Variants in RBFOX3 observed in about 807,000 individuals in gnomAD.
RBFOX3 encodes the protein RNA binding protein fox-1 homolog 3.
Under a neutral mutation model 48.7 loss-of-function variants are expected in RBFOX3, and 17 were observed. The observed-to-expected ratio is 0.35, with a 90% CI of 0.24 to 0.52. The LOEUF (loss-of-function observed/expected upper bound fraction) is 0.52, where lower values mean the gene tolerates loss of function less well. Among genes scored for constraint, RBFOX3 ranks in the 20% least tolerant of loss-of-function variants. The probability of loss-of-function intolerance (pLI) is 0.94; values close to 1 mark genes in which losing one functional copy is unlikely to be tolerated. For synonymous variants in RBFOX3, 212 were observed against 209.5 expected, an observed-to-expected ratio of 1.01 and a Z score of -0.10; for missense variants, 382 against 497.5, an observed-to-expected ratio of 0.77 and a Z score of 2.21.
intron 1 of RBFOX3, among the ~76,000 whole-genome samples, chr17:79,537,644 G>A (rs797038341): frequency 2.1e-4 from 32 of 152,230 alleles, no homozygotes; most frequent in African/African-American, 6.0e-4. Context: ...GAACAAAAAC[G>A]GACAAATCTA....
chr17:79,196,894 G>A (rs891595351), intron 4 of RBFOX3, among the ~76,000 whole-genome samples: 2 of 152,104 alleles, frequency 1.3e-5, no homozygotes, highest in East Asian at 1.9e-4. Context: ...AACTCACATC[G>A]GTGTGGTGAG....
chr17:79,531,947 C>A (rs1298282711), intron 1 of RBFOX3, among the ~76,000 whole-genome samples: 3 of 152,218 alleles, frequency 2.0e-5, no homozygotes, highest in African/African-American at 4.8e-5. Context: ...CTGCAGCAAA[C>A]CCTGCAAGAG....
At chr17:79,304,544 C>T (rs982798158) in intron 3 of RBFOX3, among the ~76,000 whole-genome samples, 2 of 151,758 alleles carry the variant, frequency 1.3e-5, no homozygotes, top group Admixed American at 6.6e-5. Context: ...ACATCACACA[C>T]GCACTGAGGT....
intron 1 of RBFOX3, among the ~76,000 whole-genome samples, chr17:79,563,094 G>A (rs1178921767): frequency 1.3e-5 from 2 of 152,192 alleles, no homozygotes; most frequent in African/African-American, 4.8e-5. Flanking sequence ...GGTTTGTCCT[G>A]AAGTTCCCTT....
At chr17:79,527,280 TTTTC>T (rs2086922261) in intron 1 of RBFOX3, among the ~76,000 whole-genome samples, 1 of 152,266 alleles carries the variant, frequency 6.6e-6, no homozygotes, top group South Asian at 2.1e-4. Flanking sequence ...AAGCCCTTCC[TTTTC>T]TTTCTTTTCT....
rs2059559531 is a variant in RBFOX3, at chr17:79,220,227, C to G, written c.-34+15539G>C. Among the ~76,000 whole-genome samples the G allele has an allele frequency of 6.6e-6, 1 of 152,096 alleles. No individual in the cohort carries two copies. Among genetic ancestry groups the G allele is most frequent in the South Asian group, 2.1e-4 (1 of 4,832 alleles). On this transcript the variant is annotated intron_variant, in intron 4 of 14. Coordinates refer to ENST00000693108, the MANE Select transcript of RBFOX3 (RefSeq NM_001350451.2). This position sits in a 1 kb window ranked among gnomAD's most constrained non-coding sequence, Gnocchi z 5.9. Reference sequence around the variant, plus strand: ...GGAACCGCGGCTCCACAGCAGGCTCCCGGGGAGGAGGGGAGGAGACCCAAT... The same window carrying G: ...GGAACCGCGGCTCCACAGCAGGCTCGCGGGGAGGAGGGGAGGAGACCCAAT...
In RBFOX3 at chr17:79,488,324, G is replaced by T. The variant is rs993398360; in HGVS notation, c.-319-5726C>A. ...CATCACAGAGAGGCAGAAGTGGCCG[G>T]TGAGTTGAGGCGGAGCCCCCCATTT... On this transcript the variant is annotated intron_variant, in intron 1 of 14. Transcript: ENST00000693108. Among the ~76,000 whole-genome samples the T allele has an allele frequency of 4.1e-5, 6 of 147,980 alleles. No individual in the cohort carries two copies. In the Admixed American group the frequency reaches 4.1e-4, roughly 10 times the overall value.
chr17:79,344,898 A>G (rs1281553571), intron 2 of RBFOX3, among the ~76,000 whole-genome samples: 2 of 152,088 alleles, frequency 1.3e-5, no homozygotes, highest in African/African-American at 4.8e-5. Flanking sequence ...CTCTGTCCAC[A>G]CCACTTCATC....
intron 3 of RBFOX3, among the ~76,000 whole-genome samples, chr17:79,302,800 C>G (rs1195775707): frequency 6.6e-6 from 1 of 152,146 alleles, no homozygotes; most frequent in African/African-American, 2.4e-5. Context: ...CCTTTTAAAA[C>G]AAAATAATAT....
chr17:79,187,959 T>C (rs957678250), intron 4 of RBFOX3, among the ~76,000 whole-genome samples: 10 of 152,072 alleles, frequency 6.6e-5, no homozygotes, highest in Admixed American at 5.2e-4. Flanking sequence ...ATGTAGAAAT[T>C]CTCACATTCC....
At chr17:79,413,775 GGCCATCCTTCTGCGGCCTGGCCAGCA>G (rs2064866738) in intron 2 of RBFOX3, among the ~76,000 whole-genome samples, 1 of 152,218 alleles carries the variant, frequency 6.6e-6, no homozygotes, top group African/African-American at 2.4e-5. Context: ...ACCCAGCCCG[GGCCATCCTTCTGCGGCCTGGCCAGCA>G]GCCATGTGCA....
rs969966698 is a variant in RBFOX3, at chr17:79,204,922, G to A, written c.-34+30844C>T. 2.6e-5 allele frequency among the ~76,000 whole-genome samples: 4 copies of A among 152,162 alleles called. No homozygotes were observed. Among genetic ancestry groups the A allele is most frequent in the African/African-American group, 9.7e-5 (4 of 41,428 alleles). On this transcript the variant is annotated intron_variant, in intron 4 of 14. Transcript: ENST00000693108. This position sits in a 1 kb window ranked among gnomAD's most constrained non-coding sequence, Gnocchi z 4.5. ...GCAGCTAATAAGCCATGGTGTTCCT[G>A]GGGATGAAATGGATGGGTGGCCAAG... is the stretch of plus-strand genomic sequence containing the variant.
chr17:79,513,437 T>C lies in RBFOX3; in HGVS notation c.-319-30839A>G, dbSNP rs901713605. Among the ~76,000 whole-genome samples, 62 of 152,158 alleles carry C rather than the reference T, an allele frequency of 4.1e-4. 1 individual carries two copies. The East Asian group carries it at 4.7e-3, about 11-fold the overall frequency. ...GGTACACATCTGAATACATTCACCA[T>C]TGGGCATGGCTGTGCCATGGCCAGG... is the stretch of plus-strand genomic sequence containing the variant. On this transcript the variant is annotated intron_variant, in intron 1 of 14. Coordinates refer to ENST00000693108, the MANE Select transcript of RBFOX3 (RefSeq NM_001350451.2).
chr17:79,578,164 C>T (rs1195174393), intron 1 of RBFOX3, among the ~76,000 whole-genome samples: 3 of 152,232 alleles, frequency 2.0e-5, no homozygotes, highest in Non-Finnish European at 4.4e-5. Context: ...GCAAAGGCCA[C>T]CTGGAGCGCT....
chr17:79,112,506 G>A (rs1599481060), intron 5 of RBFOX3, among the ~76,000 whole-genome samples: 1 of 152,166 alleles, frequency 6.6e-6, no homozygotes. Context: ...CTGTCTTTGA[G>A]GATCCTGGGG....
At chr17:79,536,560 T>TC (rs112923467) in intron 1 of RBFOX3, among the ~76,000 whole-genome samples, 21 of 152,368 alleles carry the variant, frequency 1.4e-4, no homozygotes, top group African/African-American at 4.1e-4. Context: ...TCAACGGTGA[T>TC]CCATTGCCCT....
chr17:79,218,539 G>C (rs540478289), intron 4 of RBFOX3, among the ~76,000 whole-genome samples: 8 of 152,302 alleles, frequency 5.3e-5, no homozygotes, highest in Admixed American at 1.3e-4. Flanking sequence ...GGGGAGAGGG[G>C]GAGTTCTGGG....
chr17:79,638,296 CTG>C, the RBFOX3 span, among the ~76,000 whole-genome samples: 1 of 125,594 alleles, frequency 8.0e-6, no homozygotes, highest in South Asian at 2.6e-4. Context: ...ATTAACAAAA[CTG>C]AGTTGGTTTT....
At chr17:79,210,064 A>C (rs1227174333) in intron 4 of RBFOX3, among the ~76,000 whole-genome samples, 1 of 151,970 alleles carries the variant, frequency 6.6e-6, no homozygotes, top group East Asian at 1.9e-4. Flanking sequence ...CGCCTTAGCA[A>C]ATCCTGCAAA....
Sources: allele counts gnomAD v4.1 joint callset (sites outside exome capture counted in the v4.1 genomes callset), GRCh38; gene constraint gnomAD v4.1.1; non-coding constraint Gnocchi (gnomAD v3.1); transcripts MANE v1.5; gene names NCBI Gene and HGNC (gene_info 2026-07-23, HGNC 2026-07-21).